Variants in MTOR observed in about 807,000 individuals in gnomAD.
MTOR encodes the protein mechanistic target of rapamycin kinase, also known as serine/threonine-protein kinase mTOR.
Under a neutral mutation model 319.8 loss-of-function variants are expected in MTOR, and 70 were observed. The observed-to-expected ratio is 0.22, with a 90% CI of 0.18 to 0.27. MTOR has a LOEUF of 0.27. Ranked by LOEUF, MTOR falls within the 10% of genes least tolerant of loss-of-function variation. MTOR has a pLI of 1.00. For missense variants in MTOR, 1,890 were observed against 3,274.4 expected (o/e 0.58, Z 10.32); for synonymous variants, 1,183 against 1,211.4 (o/e 0.98, Z 0.49).
At chr1:11,194,004 A>T (rs1645672352) in intron 28 of MTOR, among the ~76,000 whole-genome samples, 1 of 152,208 alleles carries the variant, frequency 6.6e-6, no homozygotes, top group Admixed American at 6.5e-5. Context: ...AAGAGGCCAG[A>T]CCCAGGCCAG....
At chr1:11,233,628 G>A in intron 14 of MTOR, 141 bp from the exon 15 acceptor site, 1 of 663,716 alleles carries the variant, frequency 1.5e-6, no homozygotes, top group Non-Finnish European at 2.6e-6. Context: ...AGATTTCTCT[G>A]GAATGTAAAT....
chr1:11,239,403 G>A (rs763366348), intron 11 of MTOR, among the ~76,000 whole-genome samples: 1 of 152,106 alleles, frequency 6.6e-6, no homozygotes, highest in Non-Finnish European at 1.5e-5. Context: ...TTAAGTGGAG[G>A]AACTGCAATA....
rs143486315 is a variant in MTOR, at chr1:11,261,801, G to C, written c.-15+644C>G. ...TGTATGTGTGTGCGTCCGAAAGGGG[G>C]GAAGGTGGCTGGCAAGGGATTTCTA... On this transcript the variant is annotated intron_variant, in intron 1 of 57. Transcript: ENST00000361445. 2.3e-3 allele frequency among the ~76,000 whole-genome samples: 352 copies of C among 152,220 alleles called. 2 individuals are homozygous for C. Among genetic ancestry groups the C allele is most frequent in the South Asian group, 0.013 (64 of 4,822 alleles).
rs771939801 is a variant in MTOR, at chr1:11,194,983, G to A, written c.4253+4275C>T. On this transcript the variant is annotated intron_variant, in intron 28 of 57. Coordinates refer to ENST00000361445, the MANE Select transcript of MTOR (RefSeq NM_004958.4). ...CATGGATCTACCTACTCCCTCAAAC[G>A]GGTGGAGATGAAAATCCGCCCAGAA... is the stretch of plus-strand genomic sequence containing the variant. 2.5e-5 allele frequency: 41 copies of A among 1,613,876 alleles called. No homozygotes were observed. The Admixed American group carries it at 5.0e-4, about 20-fold the overall frequency.
At chr1:11,163,111 CA>C (rs1013172946) in intron 29 of MTOR, among the ~76,000 whole-genome samples, 3 of 149,120 alleles carry the variant, frequency 2.0e-5, no homozygotes, top group Admixed American at 2.0e-4. Context: ...AAATGGAAAA[CA>C]AAAAAAAAGC....
intron 28 of MTOR, among the ~76,000 whole-genome samples, chr1:11,176,004 T>C (rs1252726981): frequency 2.0e-5 from 3 of 152,080 alleles, no homozygotes; most frequent in Admixed American, 1.3e-4. Flanking sequence ...CGCCTCAGCC[T>C]CCCAAAGTGC....
In MTOR at chr1:11,127,472, A is replaced by C. The variant is rs528042475; in HGVS notation, c.6216+152T>G. ...TGTGACCTCCATCAGAGCTCGTTTT[A>C]TTAAAGTCAGTGGAAAGGCCAGAGG... On this transcript the variant is annotated intron_variant, in intron 44 of 57. Transcript: ENST00000361445. This position sits in a 1 kb window ranked among gnomAD's most constrained non-coding sequence, Gnocchi z 5.5. 1.2e-4 allele frequency: 116 copies of C among 934,128 alleles called. No individual in the cohort carries two copies. Among genetic ancestry groups the C allele is most frequent in the Non-Finnish European group, 1.8e-4 (113 of 642,130 alleles). The allele number at this position is 934,128 out of a possible 1,614,324, so 57.9% of individuals were successfully genotyped here. A position where few individuals can be genotyped will look rare whatever the true frequency, so the allele number is the denominator to read the frequency against.
chr1:11,134,282 C>T, intron 37 of MTOR, 69 bp downstream of exon 37: 1 of 1,439,650 alleles, frequency 6.9e-7, no homozygotes, highest in African/African-American at 1.4e-5. Flanking sequence ...TTGAACTCCT[C>T]CTTGCTGCAG....
rs997811327 is a variant in MTOR at position 11,258,514 on chromosome 1, T to C, written c.242A>G (p.Asn81Ser). Residue 81 changes from asparagine to serine, a missense_variant, in exon 3 of 58, where the codon AAT becomes AGT. Around this residue, in one of 15 missense-constraint regions of MTOR, gnomAD observed 85 missense variants for 105.8 expected, o/e 0.80. Transcript: ENST00000361445. ...GGCCAAGATGCCACCTTTCCTCTCA[T>C]TGGCATCTGAGCTGGAAACCAATTC... ...IFELVSSSDA[N>S]ERKGGILAIA... is the part of the protein sequence containing the mutation. 11 of 1,613,900 alleles carry C rather than the reference T, an allele frequency of 6.8e-6. No individual in the cohort carries two copies. The highest frequency in any genetic ancestry group is 2.7e-5 in the African/African-American group (2 of 74,924).
In MTOR at chr1:11,247,892, G is replaced by T; in HGVS notation, c.1043C>A (p.Ser348Tyr). ...SHQGLMGFGT[S>Y]PSPAKSTLVE... ...CAGGGTGGACTTAGCTGGACTGGGG[G>T]AGGTCCCAAATCCCATGAGGCCTTG... The change falls in exon 7 of 58, where the codon TCC becomes TAC. Residue 348 changes from serine (S) to tyrosine (Y), a missense_variant. Ser to Tyr is a moderately radical substitution (Grantham distance 144). Around this residue, in one of 15 missense-constraint regions of MTOR, gnomAD observed 418 missense variants for 543.1 expected, o/e 0.77. Coordinates refer to ENST00000361445, the MANE Select transcript of MTOR (RefSeq NM_004958.4). The T allele has an allele frequency of 6.2e-7, 1 of 1,614,154 alleles. No individual in the cohort carries two copies. The highest frequency in any genetic ancestry group is 8.5e-7 in the Non-Finnish European group (1 of 1,180,044).
At chr1:11,157,444 C>T (rs1306675176) in intron 29 of MTOR, among the ~76,000 whole-genome samples, 153 bp from the exon 30 acceptor site, 1 of 152,218 alleles carries the variant, frequency 6.6e-6, no homozygotes, top group Non-Finnish European at 1.5e-5. Flanking sequence ...CAACTTCAGA[C>T]AATCTGGAGG....
rs551536907 is a variant in MTOR at position 11,121,056 on chromosome 1, A to G, written c.6933+190T>C. 1.3e-5 allele frequency among the ~76,000 whole-genome samples: 2 copies of G among 152,372 alleles called. No individual in the cohort carries two copies. Among genetic ancestry groups the G allele is most frequent in the South Asian group, 4.1e-4 (2 of 4,834 alleles). The stretch of plus-strand genomic sequence containing the variant: ...TATAAAGAGTTCTGGAGGAAATATT[A>G]AACTACTCATTCTAACTCTGTGAAC... On this transcript the variant is annotated intron_variant, in intron 49 of 57. Coordinates refer to ENST00000361445, the MANE Select transcript of MTOR (RefSeq NM_004958.4). This position sits in a 1 kb window ranked among gnomAD's most constrained non-coding sequence, Gnocchi z 4.9.
At position 11,216,251 on chromosome 1, in the gene MTOR, G is replaced by A. The variant is rs1646464857; in HGVS notation, c.3031-17C>T. On this transcript the variant is annotated splice_polypyrimidine_tract_variant and intron_variant, in intron 19 of 57. Coordinates refer to ENST00000361445, the MANE Select transcript of MTOR (RefSeq NM_004958.4). The stretch of plus-strand genomic sequence containing the variant: ...GAACAAAAACTGAAATGGACAAGAG[G>A]TCAACCAGCTGGTATCATGAAGGAC... 3 of 1,604,970 alleles carry A rather than the reference G, an allele frequency of 1.9e-6. No individual in the cohort carries two copies. Among genetic ancestry groups the A allele is most frequent in the Non-Finnish European group, 2.6e-6 (3 of 1,171,824 alleles).
At chr1:11,153,009 C>T (rs1644199565) in intron 30 of MTOR, among the ~76,000 whole-genome samples, 1 of 152,176 alleles carries the variant, frequency 6.6e-6, no homozygotes, top group South Asian at 2.1e-4. Flanking sequence ...ACGGCAACAT[C>T]AGGAGATCGA....
In MTOR at chr1:11,178,033, C is replaced by T. The variant is rs187024658; in HGVS notation, c.4254-10516G>A. Among the ~76,000 whole-genome samples, 179 of 152,296 alleles carry T rather than the reference C, an allele frequency of 1.2e-3. 1 individual carries two copies. In the Middle Eastern group the frequency reaches 0.014, roughly 12 times the overall value. ...CCACTCCATTCAGTCTTCATAATTGCTTTTACTGGCTGCATACCCGTTTCC... is the reference window on the plus strand; with the variant it reads ...CCACTCCATTCAGTCTTCATAATTGTTTTTACTGGCTGCATACCCGTTTCC... On this transcript the variant is annotated intron_variant, in intron 28 of 57. Coordinates refer to ENST00000361445, the MANE Select transcript of MTOR (RefSeq NM_004958.4).
rs879194417 is a variant in MTOR, at chr1:11,189,539, T to C, written c.4253+9719A>G. 6 of 1,542,206 alleles carry C rather than the reference T, an allele frequency of 3.9e-6. No homozygotes were observed. In the Admixed American group the frequency reaches 1.0e-4, roughly 26 times the overall value. On this transcript the variant is annotated intron_variant, in intron 28 of 57. Transcript: ENST00000361445. ...AGACCTCAGCTGGGCATCTCCAGAC[T>C]CCCCTGAAGGAAGAGCCTTCCTCAC... is the stretch of plus-strand genomic sequence containing the variant.
At chr1:11,171,371 C>T (rs1385390345) in intron 28 of MTOR, among the ~76,000 whole-genome samples, 1 of 151,824 alleles carries the variant, frequency 6.6e-6, no homozygotes, top group African/African-American at 2.4e-5. Flanking sequence ...CAGCCTCAAT[C>T]TCCTGGCTCA....
chr1:11,242,954 C>T (rs1217168856), intron 9 of MTOR, among the ~76,000 whole-genome samples, 160 bp downstream of exon 9: 1 of 152,182 alleles, frequency 6.6e-6, no homozygotes, highest in Admixed American at 6.5e-5. Flanking sequence ...TTTGGAAAAG[C>T]TTAGAATTCA....
chr1:11,261,657 T>C (rs140687655), intron 1 of MTOR, among the ~76,000 whole-genome samples: 1 of 152,192 alleles, frequency 6.6e-6, no homozygotes, highest in East Asian at 1.9e-4. Context: ...CTGGGAATAA[T>C]TGGTTTTGTA....
Sources: allele counts gnomAD v4.1 joint callset (sites outside exome capture counted in the v4.1 genomes callset), GRCh38; gene constraint gnomAD v4.1.1; regional missense constraint gnomAD v4.1.1; non-coding constraint Gnocchi (gnomAD v3.1); transcripts MANE v1.5; gene names NCBI Gene and HGNC (gene_info 2026-07-23, HGNC 2026-07-21).